AP1G1: variants seen among roughly 807,000 people sequenced by gnomAD.
The protein encoded by AP1G1 is AP-1 complex subunit gamma-1.
A neutral mutation model predicts 108.3 loss-of-function variants in AP1G1; 7 were observed. The observed-to-expected ratio is 0.06, with a 90% CI of 0.04 to 0.12. AP1G1 has a LOEUF of 0.12. AP1G1 is among the 10% of genes least tolerant of loss of function. The pLI, the probability that AP1G1 is intolerant of heterozygous loss-of-function variation, is 1.00. For missense variants in AP1G1, 756 were observed against 1,010.7 expected (o/e 0.75, Z 3.42); for synonymous variants, 379 against 353.5 (o/e 1.07, Z -0.81).
At chr16:71,798,375 A>AT (rs2032661418) in intron 1 of AP1G1, among the ~76,000 whole-genome samples, 2 of 151,916 alleles carry the variant, frequency 1.3e-5, no homozygotes, top group African/African-American at 4.8e-5. Context: ...ATTTTTTTGT[A>AT]TTTTTAGTAG....
At chr16:71,808,644 T>C in intron 1 of AP1G1, 119 bp downstream of exon 1, 1 of 1,289,664 alleles carries the variant, frequency 7.8e-7, no homozygotes, top group Non-Finnish European at 1.0e-6. Context: ...TCTTCTCTTC[T>C]CAACACCCAC....
At chr16:71,744,571 GTT>G (rs71856788) in intron 19 of AP1G1, among the ~76,000 whole-genome samples, 7 of 114,400 alleles carry the variant, frequency 6.1e-5, no homozygotes, top group Non-Finnish European at 3.4e-5. Context: ...GAGAAAGTGT[GTT>G]TTTTTTTTTT....
intron 1 of AP1G1, 97 bp from the exon 2 acceptor site, chr16:71,789,579 A>C: frequency 1.6e-6 from 2 of 1,257,186 alleles, no homozygotes; most frequent in Admixed American, 2.1e-5. Flanking sequence ...AGTTTTTAAG[A>C]ATTCAAGACT....
In AP1G1 at chr16:71,745,115, A is replaced by G. The variant is rs2030104299; in HGVS notation, c.1999+29T>C. The G allele has an allele frequency of 4.3e-6, 7 of 1,609,872 alleles. No homozygotes were observed. The South Asian group carries it at 7.8e-5, about 18-fold the overall frequency. On this transcript the variant is annotated intron_variant, in intron 19 of 22. Coordinates refer to ENST00000299980, the MANE Select transcript of AP1G1 (RefSeq NM_001128.6). Reference sequence around the variant, plus strand: ...TTCCCTGAGGCCTCTATCTTTTCCCAGGTATTAAATAGCTCCAGACTGCCT... The same window carrying G: ...TTCCCTGAGGCCTCTATCTTTTCCCGGGTATTAAATAGCTCCAGACTGCCT...
At chr16:71,802,907 T>C (rs1371706913) in intron 1 of AP1G1, among the ~76,000 whole-genome samples, 1 of 152,092 alleles carries the variant, frequency 6.6e-6, no homozygotes, top group Admixed American at 6.6e-5. Context: ...CATCTTTACA[T>C]ATCTTTGAAA....
At chr16:71,735,823 T>C (rs1000657652) in intron 21 of AP1G1, among the ~76,000 whole-genome samples, 2 of 151,208 alleles carry the variant, frequency 1.3e-5, no homozygotes, top group African/African-American at 4.9e-5. Context: ...GTTGCAAGAG[T>C]GAAGATTCAC....
intron 4 of AP1G1, among the ~76,000 whole-genome samples, chr16:71,772,750 T>C (rs1246978773): frequency 2.0e-5 from 3 of 152,150 alleles, no homozygotes; most frequent in East Asian, 1.9e-4. Flanking sequence ...AAAAACTCAA[T>C]AAAATGCTTA....
intron 13 of AP1G1, among the ~76,000 whole-genome samples, chr16:71,753,235 G>A (rs551076599): frequency 2.6e-5 from 4 of 152,208 alleles, no homozygotes; most frequent in African/African-American, 9.6e-5. Context: ...CTGAATTTCT[G>A]CAAGAATGCC....
chr16:71,758,554 G>A (rs1443960082), intron 11 of AP1G1: 7 of 597,614 alleles, frequency 1.2e-5, no homozygotes, highest in Non-Finnish European at 1.9e-5. Flanking sequence ...TTATCAAAGA[G>A]CCAAGGACAA....
At chr16:71,776,111 C>G (rs1224286857) in intron 2 of AP1G1, among the ~76,000 whole-genome samples, 1 of 152,180 alleles carries the variant, frequency 6.6e-6, no homozygotes, top group East Asian at 1.9e-4. Flanking sequence ...AAATGGATAC[C>G]TGTGTATACA....
In AP1G1 at chr16:71,764,624, TTAATA is replaced by T; in HGVS notation, c.819+17_819+21del. ...CAGCGAAACTAAAATAAATATATAT[TTAATA>T]TGTTTGGTCTACTCACCTGTGCTAA... On this transcript the variant is annotated intron_variant, in intron 8 of 22. Transcript: ENST00000299980. 1 of 1,510,492 alleles carries T rather than the reference TTAATA, an allele frequency of 6.6e-7. No homozygotes were observed. Among genetic ancestry groups the T allele is most frequent in the Non-Finnish European group, 9.0e-7 (1 of 1,116,018 alleles). 93.6% of individuals were successfully genotyped at this position (1,510,492 alleles called of 1,614,324 possible). A position where few individuals can be genotyped will look rare whatever the true frequency, so the allele number is the denominator to read the frequency against.
chr16:71,790,485 C>T (rs1305669109), intron 1 of AP1G1, among the ~76,000 whole-genome samples: 3 of 150,888 alleles, frequency 2.0e-5, no homozygotes, highest in Admixed American at 2.0e-4. Context: ...CAAGATTGCA[C>T]CATTGCCCTC....
Position 71,737,787 on chromosome 16 carries a change from A to T in AP1G1, c.2268+1155T>A, listed in dbSNP as rs2045568238. On this transcript the variant is annotated intron_variant, in intron 21 of 22. Transcript: ENST00000299980. ...CCATATTTCACATGCCACTGCCAAG[A>T]TTAGGTTAGCTTAGTCTAAACCAGT... 2.6e-5 allele frequency among the ~76,000 whole-genome samples: 4 copies of T among 152,396 alleles called. No individual in the cohort carries two copies. In the South Asian group the frequency reaches 8.3e-4, roughly 32 times the overall value.
In AP1G1 at chr16:71,734,623, G is replaced by T. The variant is rs767705344; in HGVS notation, c.2353C>A (p.Leu785Met). ...GTGCTACTCACCTTCTGAGGGTTCAGAACTTTAATGACTTGTGTGATGGTC... is the reference window on the plus strand; with the variant it reads ...GTGCTACTCACCTTCTGAGGGTTCATAACTTTAATGACTTGTGTGATGGTC... ...TGTITQVIKV[L>M]NPQKQQLRMR... The change falls in exon 22 of 23, where the codon CTG becomes ATG. Residue 785 changes from leucine (L) to methionine (M), a missense_variant. Coordinates refer to ENST00000299980, the MANE Select transcript of AP1G1 (RefSeq NM_001128.6). 6.2e-6 allele frequency: 10 copies of T among 1,612,914 alleles called. No homozygotes were observed. The highest frequency in any genetic ancestry group is 7.6e-6 in the Non-Finnish European group (9 of 1,178,888).
intron 2 of AP1G1, among the ~76,000 whole-genome samples, chr16:71,787,634 G>A (rs1567660590): frequency 6.6e-6 from 1 of 152,112 alleles, no homozygotes; most frequent in Non-Finnish European, 1.5e-5. Flanking sequence ...TAATATATCA[G>A]ATTTCTGTAA....
intron 16 of AP1G1, 134 bp from the exon 17 acceptor site, chr16:71,746,826 T>G (rs940519215): frequency 6.4e-6 from 4 of 623,564 alleles, no homozygotes; most frequent in African/African-American, 3.7e-5. Context: ...ATATAGTTTT[T>G]CAAAAACAAA....
rs1444255920 is a variant in AP1G1 at position 71,745,514 on chromosome 16, C to G, written c.1831G>C (p.Glu611Gln). ...TNGETEPAPL[E>Q]TKPPPSGPQP... The stretch of plus-strand genomic sequence containing the variant: ...GGCCCAGAGGGTGGCGGTTTGGTCT[C>G]TAGTGGAGCTGGTTCTGTCTCTCCA... The change falls in exon 18 of 23, where the codon GAG becomes CAG. Residue 611 changes from glutamate (E) to glutamine (Q), a missense_variant. Coordinates refer to ENST00000299980, the MANE Select transcript of AP1G1 (RefSeq NM_001128.6). 1 of 1,614,160 alleles carries G rather than the reference C, an allele frequency of 6.2e-7. No individual in the cohort carries two copies. Among genetic ancestry groups the G allele is most frequent in the Non-Finnish European group, 8.5e-7 (1 of 1,180,026 alleles).
chr16:71,763,416 A>C (rs188656092), intron 9 of AP1G1, among the ~76,000 whole-genome samples: 1 of 152,224 alleles, frequency 6.6e-6, no homozygotes, highest in African/African-American at 2.4e-5. Flanking sequence ...AACACAAAAA[A>C]GTTCTGGAGA....
At chr16:71,754,047 T>A (rs2030642128) in intron 12 of AP1G1, among the ~76,000 whole-genome samples, 160 bp from the exon 13 acceptor site, 1 of 152,082 alleles carries the variant, frequency 6.6e-6, no homozygotes, top group Non-Finnish European at 1.5e-5. Context: ...GAGACCAGCC[T>A]GGGCAACACG....
Sources: gnomAD v4.1 joint callset for allele counts (sites outside exome capture counted in the v4.1 genomes callset) on GRCh38, gnomAD v4.1.1 for gene constraint, MANE v1.5 for transcripts, NCBI Gene and HGNC (gene_info 2026-07-23, HGNC 2026-07-21) for gene names.